Variants in HS3ST4 observed in about 807,000 individuals in gnomAD.
HS3ST4 encodes the protein heparan sulfate glucosamine 3-O-sulfotransferase 4.
Under a neutral mutation model 29.2 loss-of-function variants are expected in HS3ST4, and 17 were observed. The ratio of observed to expected loss-of-function variants is 0.58; its 90% CI spans 0.40 to 0.87. HS3ST4 has a LOEUF of 0.87. HS3ST4 is among the 40% of genes least tolerant of loss of function. The pLI is 0.00. For synonymous variants in HS3ST4, 314 were observed against 285.7 expected, an observed-to-expected ratio of 1.10 and a Z score of -1.00; for missense variants, 627 against 634.5, an observed-to-expected ratio of 0.99 and a Z score of 0.13.
chr16:25,800,088 T>TCCTG (rs932763004), intron 1 of HS3ST4, among the ~76,000 whole-genome samples: 1 of 145,606 alleles, frequency 6.9e-6, no homozygotes, highest in East Asian at 2.0e-4. Context: ...CTTCCTTCCT[T>TCCTG]CCTGCCTTCC....
At chr16:26,131,478 C>A (rs144401312) in intron 1 of HS3ST4, among the ~76,000 whole-genome samples, 3 of 152,286 alleles carry the variant, frequency 2.0e-5, no homozygotes, top group African/African-American at 7.2e-5. Flanking sequence ...ACTGGTCTTC[C>A]TTCTGTTTCT....
intron 1 of HS3ST4, among the ~76,000 whole-genome samples, chr16:26,119,832 G>C (rs1899248356): frequency 6.6e-6 from 1 of 152,164 alleles, no homozygotes; most frequent in African/African-American, 2.4e-5. Context: ...TTAGGAGCTT[G>C]CATTCTTTAG....
At chr16:25,901,234 A>G (rs997567423) in intron 1 of HS3ST4, among the ~76,000 whole-genome samples, 1 of 152,120 alleles carries the variant, frequency 6.6e-6, no homozygotes, top group African/African-American at 2.4e-5. Flanking sequence ...GCTGTGGTCC[A>G]TGGGGTCCCA....
chr16:25,836,139 G>A lies in HS3ST4; in HGVS notation c.734+142988G>A, dbSNP rs117547671. 7.5e-4 allele frequency among the ~76,000 whole-genome samples: 114 copies of A among 152,206 alleles called. No homozygotes were observed. In the East Asian group the frequency reaches 0.017, roughly 22 times the overall value. The stretch of plus-strand genomic sequence containing the variant: ...TGATGTTCCCAGGTGGCCTCCCCTC[G>A]CCAAATCAGGATATCACTAGGAAGG... On this transcript the variant is annotated intron_variant, in intron 1 of 1. Transcript: ENST00000331351.
At chr16:25,956,873 A>T (rs8057626) in intron 1 of HS3ST4, among the ~76,000 whole-genome samples, 2 of 151,556 alleles carry the variant, frequency 1.3e-5, no homozygotes, top group Non-Finnish European at 2.9e-5. Context: ...TGGTGGGCGC[A>T]TGTAATCTCA....
intron 1 of HS3ST4, among the ~76,000 whole-genome samples, chr16:25,705,645 GA>G (rs1445097413): frequency 6.6e-6 from 1 of 151,934 alleles, no homozygotes; most frequent in Non-Finnish European, 1.5e-5. Flanking sequence ...GCCTGGTGAT[GA>G]AGCCAGTTTC....
At chr16:26,064,463 G>A (rs1898518348) in intron 1 of HS3ST4, among the ~76,000 whole-genome samples, 1 of 152,122 alleles carries the variant, frequency 6.6e-6, no homozygotes, top group Admixed American at 6.6e-5. Flanking sequence ...ATGTCATGGA[G>A]GATTTAGGCA....
chr16:25,717,510 G>GGGGTGTGT (rs1305361400), intron 1 of HS3ST4, among the ~76,000 whole-genome samples: 9 of 132,830 alleles, frequency 6.8e-5, no homozygotes, highest in African/African-American at 2.3e-4. Flanking sequence ...AAGGTGAAGG[G>GGGGTGTGT]GTGTGTGTGT....
chr16:26,115,710 T>C (rs1430677950), intron 1 of HS3ST4, among the ~76,000 whole-genome samples: 1 of 151,926 alleles, frequency 6.6e-6, no homozygotes, highest in Non-Finnish European at 1.5e-5. Flanking sequence ...AGGCAGCATA[T>C]CAAATATATG....
chr16:25,780,008 G>A (rs1966851217), intron 1 of HS3ST4, among the ~76,000 whole-genome samples: 1 of 152,192 alleles, frequency 6.6e-6, no homozygotes, highest in African/African-American at 2.4e-5. Context: ...CGTAACGTGA[G>A]TGATGAGAGT....
chr16:25,806,063 T>C (rs1036730556), intron 1 of HS3ST4, among the ~76,000 whole-genome samples: 5 of 152,228 alleles, frequency 3.3e-5, no homozygotes, highest in African/African-American at 1.2e-4. Flanking sequence ...TACATAGTAT[T>C]TCATGGTGTA....
At chr16:25,994,615 A>T (rs1969143463) in intron 1 of HS3ST4, among the ~76,000 whole-genome samples, 1 of 152,194 alleles carries the variant, frequency 6.6e-6, no homozygotes, top group Non-Finnish European at 1.5e-5. Flanking sequence ...TTTAATGCTG[A>T]GTCTAAAGGC....
intron 1 of HS3ST4, among the ~76,000 whole-genome samples, chr16:25,822,579 C>T (rs1248039406): frequency 6.6e-6 from 1 of 152,060 alleles, no homozygotes; most frequent in Non-Finnish European, 1.5e-5. Flanking sequence ...GCCAAGTGTC[C>T]CTTTGTGGGA....
intron 1 of HS3ST4, among the ~76,000 whole-genome samples, chr16:26,131,504 GTGAGAACA>G (rs1246081591): frequency 9.9e-5 from 15 of 152,176 alleles, no homozygotes; most frequent in African/African-American, 3.6e-4. Flanking sequence ...ACACCAAAAT[GTGAGAACA>G]TGAGTATATT....
At chr16:25,956,895 G>A (rs988482330) in intron 1 of HS3ST4, among the ~76,000 whole-genome samples, 1 of 151,750 alleles carries the variant, frequency 6.6e-6, no homozygotes, top group South Asian at 2.1e-4. Flanking sequence ...CTACTTGGGA[G>A]GCTCAGGCAG....
chr16:26,012,265 TCA>T (rs764133181), intron 1 of HS3ST4, among the ~76,000 whole-genome samples: 32 of 152,256 alleles, frequency 2.1e-4, no homozygotes, highest in Non-Finnish European at 4.3e-4. Flanking sequence ...TCAAAGTGTA[TCA>T]GCTTGAGGAT....
At chr16:26,113,587 C>T (rs902344063) in intron 1 of HS3ST4, among the ~76,000 whole-genome samples, 1 of 151,896 alleles carries the variant, frequency 6.6e-6, no homozygotes, top group African/African-American at 2.4e-5. Flanking sequence ...TTCCAGCTCT[C>T]AGCCTTCTTG....
chr16:25,895,199 A>G (rs1298364001), intron 1 of HS3ST4, among the ~76,000 whole-genome samples: 1 of 152,018 alleles, frequency 6.6e-6, no homozygotes, highest in Non-Finnish European at 1.5e-5. Context: ...GTTCTGGACC[A>G]TGGTAACCAT....
intron 1 of HS3ST4, among the ~76,000 whole-genome samples, chr16:25,855,001 A>G (rs1055298074): frequency 1.2e-4 from 18 of 152,148 alleles, no homozygotes; most frequent in African/African-American, 4.3e-4. Context: ...GGAGATAGAA[A>G]TACAGGTAAA....
Sources: gnomAD v4.1 joint callset for allele counts (sites outside exome capture counted in the v4.1 genomes callset) on GRCh38, gnomAD v4.1.1 for gene constraint, MANE v1.5 for transcripts, NCBI Gene and HGNC (gene_info 2026-07-23, HGNC 2026-07-21) for gene names.